Variants in PIGF observed in about 807,000 individuals in gnomAD.
PIGF encodes the protein GPI ethanolamine phosphate transferase, stabilizing subunit.
PIGF carries 23 observed loss-of-function variants against 26.0 expected under a neutral mutation model. The observed-to-expected ratio is 0.88, with a 90% CI of 0.64 to 1.25. The LOEUF (loss-of-function observed/expected upper bound fraction) is 1.25. PIGF is among the 50% of genes most tolerant of loss of function. The pLI, the probability that PIGF is intolerant of heterozygous loss-of-function variation, is 0.00. For missense variants in PIGF, 278 were observed against 249.9 expected, an observed-to-expected ratio of 1.11 and a Z score of -0.76; for synonymous variants, 93 against 92.6, an observed-to-expected ratio of 1.00 and a Z score of -0.03.
Position 46,609,737 on chromosome 2 carries a change from G to A in PIGF, c.437+2491C>T, listed in dbSNP as rs147924869. Among the ~76,000 whole-genome samples the A allele has an allele frequency of 2.7e-3, 410 of 152,242 alleles. 1 individual carries two copies. Among genetic ancestry groups the A allele is most frequent in the African/African-American group, 8.8e-3 (364 of 41,548 alleles). ...GAAGGGAGAGAGACAGAGAGAACAC[G>A]TTGGTAGGTGAAGCAGTCAGAAGAT... is the stretch of plus-strand genomic sequence containing the variant. On this transcript the variant is annotated intron_variant, in intron 4 of 5. Coordinates refer to ENST00000281382, the MANE Select transcript of PIGF (RefSeq NM_002643.4).
chr2:46,617,003 AC>A lies in PIGF; in HGVS notation c.-56del. On this transcript the variant is annotated 5_prime_UTR_variant, in exon 1 of 6. The change abolishes the stop of an existing upstream ORF in the 5' untranslated region. Coordinates refer to ENST00000281382, the MANE Select transcript of PIGF (RefSeq NM_002643.4). ...CCCTCCCGCGGAAGGGAAGCGGGGA[AC>A]TACTGCCTCCTACCATCAGGTACGA... 1.8e-6 allele frequency: 1 copy of A among 555,920 alleles called. No homozygotes were observed. Among genetic ancestry groups the A allele is most frequent in the Non-Finnish European group, 3.2e-6 (1 of 312,262 alleles). 34.4% of individuals were successfully genotyped at this position (555,920 alleles called of 1,614,324 possible).
intron 5 of PIGF, chr2:46,582,826 T>A (rs1424962296): frequency 1.3e-5 from 2 of 152,616 alleles, no homozygotes; most frequent in Admixed American, 6.5e-5. Context: ...AATATAAGCA[T>A]CACCTTCCCA....
intron 4 of PIGF, among the ~76,000 whole-genome samples, chr2:46,608,993 T>A (rs1057354637): frequency 6.6e-6 from 1 of 152,048 alleles, no homozygotes; most frequent in African/African-American, 2.4e-5. Flanking sequence ...AACAAGAGAG[T>A]CAGCCTGTCA....
chr2:46,592,290 C>T (rs1238429897), intron 5 of PIGF, among the ~76,000 whole-genome samples, 185 bp downstream of exon 5: 1 of 152,332 alleles, frequency 6.6e-6, no homozygotes, highest in East Asian at 1.9e-4. Context: ...ACCAGGGCTA[C>T]CTAGACACCT....
At chr2:46,615,970 G>A (rs1264905221) in intron 1 of PIGF, 1 of 152,050 alleles carries the variant, frequency 6.6e-6, no homozygotes, top group African/African-American at 2.4e-5. Flanking sequence ...TAAAGTAACA[G>A]TCAATATGTT....
chr2:46,597,070 C>G (rs546725426), intron 4 of PIGF, among the ~76,000 whole-genome samples: 2 of 152,260 alleles, frequency 1.3e-5, no homozygotes, highest in Admixed American at 6.5e-5. Context: ...TTCTTCTCCC[C>G]GCTCCTTCCA....
intron 4 of PIGF, among the ~76,000 whole-genome samples, chr2:46,599,919 CCT>C (rs1670003466): frequency 6.6e-6 from 1 of 152,168 alleles, no homozygotes; most frequent in African/African-American, 2.4e-5. Context: ...CCCAATTTTC[CCT>C]GTCTTGAAGC....
At chr2:46,596,657 T>C (rs1669894151) in intron 4 of PIGF, among the ~76,000 whole-genome samples, 1 of 151,468 alleles carries the variant, frequency 6.6e-6, no homozygotes, top group South Asian at 2.1e-4. Flanking sequence ...TCTATTTACC[T>C]CAAATTAAAA....
intron 5 of PIGF, chr2:46,591,688 T>A (rs1669726067): frequency 1.9e-6 from 2 of 1,059,286 alleles, no homozygotes; most frequent in Admixed American, 4.5e-5. Flanking sequence ...ACAAAGTCAT[T>A]AATATTAAGA....
Position 46,588,093 on chromosome 2 carries a change from G to A in PIGF, c.546+4382C>T, listed in dbSNP as rs1367086110. 4.4e-6 allele frequency: 7 copies of A among 1,598,334 alleles called. No homozygotes were observed. The highest frequency in any genetic ancestry group is 6.0e-6 in the Non-Finnish European group (7 of 1,171,778). On this transcript the variant is annotated intron_variant, in intron 5 of 5. Coordinates refer to ENST00000281382, the MANE Select transcript of PIGF (RefSeq NM_002643.4). The surrounding 1 kb of genome is among the most constrained non-coding windows in gnomAD (Gnocchi z 4.1). ...AACCTACCTTGCACTACGGTTGTCA[G>A]GATTAAGTTACTCATTTCACAGTAC... is the stretch of plus-strand genomic sequence containing the variant.
At position 46,611,720 on chromosome 2, in the gene PIGF, G is replaced by A. The variant is rs116065202; in HGVS notation, c.437+508C>T. Among the ~76,000 whole-genome samples, 710 of 151,870 alleles carry A rather than the reference G, an allele frequency of 4.7e-3. 5 individuals are homozygous for A. Among genetic ancestry groups the A allele is most frequent in the African/African-American group, 0.017 (688 of 41,410 alleles). ...ACTTAGCCATGCTGAAAATATATAC[G>A]GCCACCAAGGAAATGAAATCTCATA... On this transcript the variant is annotated intron_variant, in intron 4 of 5. Transcript: ENST00000281382.
chr2:46,583,510 C>G (rs1669471634), intron 5 of PIGF, among the ~76,000 whole-genome samples: 1 of 152,130 alleles, frequency 6.6e-6, no homozygotes, highest in Non-Finnish European at 1.5e-5. Flanking sequence ...GCCTTAGGTA[C>G]TCTACTGACC....
intron 4 of PIGF, among the ~76,000 whole-genome samples, chr2:46,610,952 C>G (rs1479893060): frequency 6.6e-6 from 1 of 152,196 alleles, no homozygotes; most frequent in Non-Finnish European, 1.5e-5. Context: ...CTGTTCATTT[C>G]AGTTTCAATG....
intron 2 of PIGF, 24 bp downstream of exon 2, chr2:46,614,913 C>T: frequency 5.6e-6 from 6 of 1,077,254 alleles, no homozygotes; most frequent in Non-Finnish European, 7.2e-6. Context: ...ATCCAAAAAT[C>T]AGTTATTGAG....
At chr2:46,607,858 C>A (rs886521128) in intron 4 of PIGF, among the ~76,000 whole-genome samples, 13 of 152,232 alleles carry the variant, frequency 8.5e-5, no homozygotes, top group Admixed American at 7.2e-4. Flanking sequence ...GCACGCCCAG[C>A]TAATTTTTCT....
intron 1 of PIGF, 150 bp downstream of exon 1, chr2:46,616,820 C>G (rs900537083): frequency 1.2e-4 from 26 of 210,798 alleles, no homozygotes; most frequent in African/African-American, 5.6e-4. Flanking sequence ...GAAAGGGGGT[C>G]TGTCCATCAG....
rs902369047 is a variant in PIGF at position 46,588,863 on chromosome 2, A to C, written c.546+3612T>G. 3.3e-5 allele frequency among the ~76,000 whole-genome samples: 5 copies of C among 152,178 alleles called. No individual in the cohort carries two copies. Among genetic ancestry groups the C allele is most frequent in the Non-Finnish European group, 5.9e-5 (4 of 67,998 alleles). ...GTATCTGTTGTACTTACTTACACAG[A>C]ACATATGCTATGCATACAGTAATAA... On this transcript the variant is annotated intron_variant, in intron 5 of 5. Coordinates refer to ENST00000281382, the MANE Select transcript of PIGF (RefSeq NM_002643.4). The surrounding 1 kb of genome is among the most constrained non-coding windows in gnomAD (Gnocchi z 4.1).
chr2:46,611,640 C>G (rs1433494394), intron 4 of PIGF, among the ~76,000 whole-genome samples: 1 of 152,182 alleles, frequency 6.6e-6, no homozygotes, highest in African/African-American at 2.4e-5. Context: ...TTAGCTAGAT[C>G]TCCACTATTT....
intron 5 of PIGF, among the ~76,000 whole-genome samples, chr2:46,586,926 T>G (rs577944665): frequency 6.6e-6 from 1 of 152,342 alleles, no homozygotes; most frequent in South Asian, 2.1e-4. Flanking sequence ...GAAGAGTTAT[T>G]TGCGAAGGGG....
Sources: gnomAD v4.1 joint callset for allele counts (sites outside exome capture counted in the v4.1 genomes callset) on GRCh38, gnomAD v4.1.1 for gene constraint, Gnocchi (gnomAD v3.1) non-coding constraint, MANE v1.5 for transcripts, NCBI Gene and HGNC (gene_info 2026-07-23, HGNC 2026-07-21) for gene names.